Variants in AHI1 observed in about 807,000 individuals in gnomAD.
AHI1 encodes the protein jouberin.
AHI1 carries 123 observed loss-of-function variants against 149.3 expected under a neutral mutation model. The ratio of observed to expected loss-of-function variants is 0.82; its 90% CI spans 0.71 to 0.96. The LOEUF is 0.96. AHI1 is among the 40% of genes least tolerant of loss of function. AHI1 has a pLI of 0.00. For synonymous variants in AHI1, 475 were observed against 459.8 expected, an observed-to-expected ratio of 1.03 and a Z score of -0.42; for missense variants, 1,439 against 1,422.7, an observed-to-expected ratio of 1.01 and a Z score of -0.18.
At chr6:135,407,763 A>G (rs912477124) in intron 21 of AHI1, among the ~76,000 whole-genome samples, 2 of 152,156 alleles carry the variant, frequency 1.3e-5, no homozygotes, top group Non-Finnish European at 2.9e-5. Context: ...CTGTAATCCC[A>G]GCACTTTGGG....
At chr6:135,391,658 C>T (rs376738983) in intron 23 of AHI1, among the ~76,000 whole-genome samples, 6 of 152,104 alleles carry the variant, frequency 3.9e-5, no homozygotes, top group African/African-American at 1.4e-4. Context: ...CTCACCTTTT[C>T]CAGTCAAACC....
chr6:135,330,715 T>C (rs1788450559), intron 24 of AHI1, among the ~76,000 whole-genome samples: 1 of 152,158 alleles, frequency 6.6e-6, no homozygotes, highest in Non-Finnish European at 1.5e-5. Flanking sequence ...AATCTAACCA[T>C]TCAGTTAGGA....
At chr6:135,462,787 G>A (rs1037310188) in intron 8 of AHI1, among the ~76,000 whole-genome samples, 1 of 152,084 alleles carries the variant, frequency 6.6e-6, no homozygotes, top group Non-Finnish European at 1.5e-5. Flanking sequence ...TGCAATCCCA[G>A]CTACTCAGGA....
intron 24 of AHI1, among the ~76,000 whole-genome samples, chr6:135,332,428 C>G (rs1043524529): frequency 2.0e-5 from 3 of 152,192 alleles, no homozygotes; most frequent in African/African-American, 7.2e-5. Flanking sequence ...AAATTAACCC[C>G]ACTATCAAGG....
chr6:135,353,819 A>G (rs961524571), intron 24 of AHI1, among the ~76,000 whole-genome samples: 1 of 152,136 alleles, frequency 6.6e-6, no homozygotes, highest in African/African-American at 2.4e-5. Context: ...AACGCATATT[A>G]AAGTTTACTA....
chr6:135,292,927 A>G (rs559779554), intron 27 of AHI1, among the ~76,000 whole-genome samples: 1 of 152,328 alleles, frequency 6.6e-6, no homozygotes, highest in South Asian at 2.1e-4. Flanking sequence ...CATCAAAATC[A>G]GCTTAAGATG....
chr6:135,286,357 T>A (rs1781683555), intron 28 of AHI1: 1 of 152,268 alleles, frequency 6.6e-6, no homozygotes, highest in Admixed American at 6.5e-5. Flanking sequence ...TAACATTTTT[T>A]AATGCAATCA....
Position 135,437,606 on chromosome 6 carries a change from G to A in AHI1, c.2036+769C>T, listed in dbSNP as rs372275784. 1.5e-3 allele frequency among the ~76,000 whole-genome samples: 235 copies of A among 152,292 alleles called. 1 individual carries two copies. Among genetic ancestry groups the A allele is most frequent in the African/African-American group, 5.4e-3 (225 of 41,562 alleles). Reference sequence around the variant, plus strand: ...GTGGTCTGAACACTAAAAGTAACACGAAGTGTTAAGAGAGTAGAAGGCAGA... The same window carrying A: ...GTGGTCTGAACACTAAAAGTAACACAAAGTGTTAAGAGAGTAGAAGGCAGA... On this transcript the variant is annotated intron_variant, in intron 15 of 28. Transcript: ENST00000265602.
intron 28 of AHI1, among the ~76,000 whole-genome samples, chr6:135,285,947 C>A (rs1162526368): frequency 2.6e-5 from 4 of 152,152 alleles, no homozygotes; most frequent in Non-Finnish European, 4.4e-5. Flanking sequence ...CTAAAAACTC[C>A]AAACCATAAG....
chr6:135,305,369 A>C (rs1345495910), intron 26 of AHI1, among the ~76,000 whole-genome samples: 3 of 152,244 alleles, frequency 2.0e-5, no homozygotes, highest in Admixed American at 1.3e-4. Flanking sequence ...ACTTGGATTC[A>C]TAAATTGTAA....
intron 5 of AHI1, among the ~76,000 whole-genome samples, chr6:135,468,060 T>C (rs572383138): frequency 6.6e-6 from 1 of 152,142 alleles, no homozygotes; most frequent in South Asian, 2.1e-4. Context: ...ATCCAATGTA[T>C]ATAAAAAGGT....
chr6:135,312,929 T>A (rs887628571), intron 26 of AHI1, among the ~76,000 whole-genome samples: 2 of 152,114 alleles, frequency 1.3e-5, no homozygotes, highest in Non-Finnish European at 2.9e-5. Context: ...TAAAAAAAAG[T>A]GATAATAAAA....
chr6:135,368,162 G>A (rs77137567), intron 23 of AHI1, among the ~76,000 whole-genome samples: 1,572 of 152,240 alleles, frequency 0.01, 32 homozygotes, highest in African/African-American at 0.036. Context: ...GTTGGTACTG[G>A]GGAGTTTCTG....
chr6:135,490,458 T>C, intron 5 of AHI1, 165 bp downstream of exon 5: 3 of 769,640 alleles, frequency 3.9e-6, no homozygotes, highest in Non-Finnish European at 6.3e-6. Context: ...CTCACAGTGA[T>C]GTTGATTCTA....
In AHI1 at chr6:135,467,564, G is replaced by T. The variant is rs747351212; in HGVS notation, c.189+17C>A. ...TCTCATGCTCTTCTTCAGGCTGTTAGTGTTAGCAGTACTTACATCATCACT... is the reference window on the plus strand; with the variant it reads ...TCTCATGCTCTTCTTCAGGCTGTTATTGTTAGCAGTACTTACATCATCACT... On this transcript the variant is annotated intron_variant, in intron 6 of 28. Transcript: ENST00000265602. 1 of 1,591,286 alleles carries T rather than the reference G, an allele frequency of 6.3e-7. No individual in the cohort carries two copies. The highest frequency in any genetic ancestry group is 8.6e-7 in the Non-Finnish European group (1 of 1,159,902).
At chr6:135,297,655 AC>A (rs1783281542) in intron 27 of AHI1, among the ~76,000 whole-genome samples, 1 of 152,198 alleles carries the variant, frequency 6.6e-6, no homozygotes, top group African/African-American at 2.4e-5. Context: ...CACACACATG[AC>A]AATAAATGCC....
chr6:135,479,977 C>T lies in AHI1; in HGVS notation c.135+10646G>A, dbSNP rs547729943. ...TCTGGCCATGTGAAGACTGTGCCTG[C>T]TTCCCATTCCACCATTATTGTAGTG... On this transcript the variant is annotated intron_variant, in intron 5 of 28. Transcript: ENST00000265602. Among the ~76,000 whole-genome samples, 5 of 152,318 alleles carry T rather than the reference C, an allele frequency of 3.3e-5. No individual in the cohort carries two copies. In the South Asian group the frequency reaches 8.3e-4, roughly 25 times the overall value.
chr6:135,457,455 T>G, intron 9 of AHI1, 39 bp downstream of exon 9: 1 of 1,486,026 alleles, frequency 6.7e-7, no homozygotes, highest in Non-Finnish European at 9.2e-7. Context: ...TCTACTAGTT[T>G]CAGTTTCAAG....
At chr6:135,492,942 G>T in intron 3 of AHI1, 1 of 977,434 alleles carries the variant, frequency 1.0e-6, no homozygotes, top group Non-Finnish European at 1.2e-6. Context: ...AGAACATTTA[G>T]AATGTAATAT....
Sources: allele counts gnomAD v4.1 joint callset (sites outside exome capture counted in the v4.1 genomes callset), GRCh38; gene constraint gnomAD v4.1.1; transcripts MANE v1.5; gene names NCBI Gene and HGNC (gene_info 2026-07-23, HGNC 2026-07-21).